GCNT2: variants seen among roughly 807,000 people sequenced by gnomAD.
GCNT2 encodes the protein N-acetyllactosaminide beta-1,6-N-acetylglucosaminyl-transferase.
In GCNT2, 34 loss-of-function variants were observed where a neutral mutation model predicts 34.2. The ratio of observed to expected loss-of-function variants is 1.00; its 90% CI spans 0.76 to 1.32. The LOEUF (loss-of-function observed/expected upper bound fraction) is 1.32, where lower values mean the gene tolerates loss of function less well. Among genes scored for constraint, GCNT2 ranks in the 40% most tolerant of loss-of-function variants. The probability of loss-of-function intolerance (pLI) is 0.00; values close to 1 mark genes in which losing one functional copy is unlikely to be tolerated. For missense variants in GCNT2, 584 were observed against 489.4 expected (o/e 1.19, Z -1.82); for synonymous variants, 212 against 188.0 (o/e 1.13, Z -1.04).
intron 3 of GCNT2, among the ~76,000 whole-genome samples, chr6:10,561,025 G>T (rs532508435): frequency 6.6e-6 from 1 of 152,254 alleles, no homozygotes; most frequent in African/African-American, 2.4e-5. Flanking sequence ...AGAGCATCAG[G>T]CTGTGACAGC....
intron 3 of GCNT2, among the ~76,000 whole-genome samples, chr6:10,563,774 AAAAAT>A (rs1182027437): frequency 1.1e-3 from 45 of 40,992 alleles, no homozygotes; most frequent in Non-Finnish European, 1.6e-3. Flanking sequence ...AAAAAAAAAA[AAAAAT>A]ATATATATAT....
chr6:10,562,895 GGTT>G (rs113812643), intron 3 of GCNT2, among the ~76,000 whole-genome samples: 252 of 152,108 alleles, frequency 1.7e-3, no homozygotes, highest in African/African-American at 5.8e-3. Flanking sequence ...GTGGGTTAAG[GGTT>G]GTTAACAAGC....
chr6:10,559,096 A>C (rs1762849969), intron 3 of GCNT2, among the ~76,000 whole-genome samples: 1 of 150,558 alleles, frequency 6.6e-6, no homozygotes, highest in Admixed American at 6.6e-5. Context: ...TTTTAGAAAA[A>C]CATGGGTTTT....
intron 3 of GCNT2, among the ~76,000 whole-genome samples, chr6:10,530,850 C>A (rs538143350): frequency 6.6e-6 from 1 of 151,674 alleles, no homozygotes; most frequent in Non-Finnish European, 1.5e-5. Flanking sequence ...GTCAGGAGTT[C>A]GAGACCAGCC....
chr6:10,591,442 G>T (rs964549594), intron 3 of GCNT2, among the ~76,000 whole-genome samples: 1 of 152,002 alleles, frequency 6.6e-6, no homozygotes, highest in African/African-American at 2.4e-5. Context: ...ATATGAGAGA[G>T]TCCTGAAAGA....
chr6:10,598,954 G>A (rs1764974943), intron 3 of GCNT2, among the ~76,000 whole-genome samples: 1 of 152,166 alleles, frequency 6.6e-6, no homozygotes, highest in Admixed American at 6.5e-5. Context: ...GGCGCATGGT[G>A]CCTAGTAAGT....
chr6:10,568,081 C>G (rs1763367204), intron 3 of GCNT2, among the ~76,000 whole-genome samples: 1 of 152,168 alleles, frequency 6.6e-6, no homozygotes, highest in Non-Finnish European at 1.5e-5. Flanking sequence ...CAGTTCTTGC[C>G]TCAGTTTACT....
At chr6:10,534,728 T>G (rs1761680542) in intron 3 of GCNT2, among the ~76,000 whole-genome samples, 1 of 151,794 alleles carries the variant, frequency 6.6e-6, no homozygotes, top group African/African-American at 2.4e-5. Context: ...TCAGGCGTGG[T>G]GGCATGCACT....
rs369197705 is a variant in GCNT2, at chr6:10,570,108, T to A, written c.925+40272T>A. ...GCACCACCATGCCCAGCTAATTTTG[T>A]AATTTTTGTAGATATGGGGTTTTGC... On this transcript the variant is annotated intron_variant, in intron 3 of 4. Coordinates refer to ENST00000495262, the MANE Select transcript of GCNT2 (RefSeq NM_145649.5). Among the ~76,000 whole-genome samples, 18 of 152,214 alleles carry A rather than the reference T, an allele frequency of 1.2e-4. 1 individual carries two copies. The East Asian group carries it at 2.9e-3, about 25-fold the overall frequency.
At chr6:10,535,358 A>C (rs509227) in intron 3 of GCNT2, among the ~76,000 whole-genome samples, 91,751 of 152,104 alleles carry the variant, frequency 0.6, 28,692 homozygotes, top group African/African-American at 0.78. Flanking sequence ...ACTAGCTGTT[A>C]TGAAATTAGG....
intron 3 of GCNT2, among the ~76,000 whole-genome samples, chr6:10,618,810 T>C (rs1765905210): frequency 6.6e-6 from 1 of 152,014 alleles, no homozygotes; most frequent in African/African-American, 2.4e-5. Flanking sequence ...GTTAAAGAAA[T>C]AGAAATATTG....
chr6:10,525,772 G>A (rs1581354376), intron 1 of GCNT2, among the ~76,000 whole-genome samples: 1 of 152,176 alleles, frequency 6.6e-6, no homozygotes, highest in Admixed American at 6.5e-5. Flanking sequence ...AACTTTGCTT[G>A]TACTTGCAGC....
At chr6:10,534,156 T>TTTTTTTTTTTTTTTTTTTTTTTTTTTTTG (rs1363980516) in intron 3 of GCNT2, among the ~76,000 whole-genome samples, 1 of 144,338 alleles carries the variant, frequency 6.9e-6, no homozygotes, top group African/African-American at 2.5e-5. Flanking sequence ...TTTTTTTTTT[T>TTTTTTTTTTTTTTTTTTTTTTTTTTTTTG]TTTAAGATGG....
chr6:10,540,362 CTT>C (rs1217711966), intron 3 of GCNT2, among the ~76,000 whole-genome samples: 5 of 141,942 alleles, frequency 3.5e-5, no homozygotes, highest in Admixed American at 6.9e-5. Context: ...CTGGAATACT[CTT>C]TATCTTTGCT....
chr6:10,548,812 G>A (rs1255004760), intron 3 of GCNT2, among the ~76,000 whole-genome samples: 1 of 151,868 alleles, frequency 6.6e-6, no homozygotes, highest in Non-Finnish European at 1.5e-5. Flanking sequence ...AGACTGGAGT[G>A]CAATGGCGTG....
intron 3 of GCNT2, among the ~76,000 whole-genome samples, chr6:10,603,404 GTTA>G (rs1765161093): frequency 6.6e-6 from 1 of 152,170 alleles, no homozygotes; most frequent in African/African-American, 2.4e-5. Flanking sequence ...AAACTTTAAT[GTTA>G]TTCACAGTTG....
At chr6:10,585,757 A>C in intron 3 of GCNT2, 104 of 1,365,744 alleles carry the variant, frequency 7.6e-5, no homozygotes, top group East Asian at 3.8e-4. Context: ...ACCCTGGGGA[A>C]CTGCAGACCA....
intron 3 of GCNT2, among the ~76,000 whole-genome samples, chr6:10,614,990 T>C (rs562499816): frequency 1.3e-5 from 2 of 152,290 alleles, no homozygotes; most frequent in African/African-American, 4.8e-5. Context: ...ATGTGAGAGA[T>C]CCGTTAAAAT....
At position 10,621,196 on chromosome 6, in the gene GCNT2, C is replaced by T. The variant is rs569117436; in HGVS notation, c.926-155C>T. Among the ~76,000 whole-genome samples the T allele has an allele frequency of 2.6e-5, 4 of 152,316 alleles. No homozygotes were observed. The South Asian group carries it at 8.3e-4, about 32-fold the overall frequency. On this transcript the variant is annotated intron_variant, in intron 3 of 4. Transcript: ENST00000495262. ...TGGTCAAAAGATCAACTGGAGGAAA[C>T]AGAAGATGGGTAGATCAGTACATAC...
Sources: gnomAD v4.1 joint callset for allele counts (sites outside exome capture counted in the v4.1 genomes callset) on GRCh38, gnomAD v4.1.1 for gene constraint, MANE v1.5 for transcripts, NCBI Gene and HGNC (gene_info 2026-07-23, HGNC 2026-07-21) for gene names.